The following PRKAR2A variants were observed in gnomAD, a reference collection of about 807,000 sequenced individuals.
The protein encoded by PRKAR2A is protein kinase cAMP-dependent type II regulatory subunit alpha.
A neutral mutation model predicts 51.9 loss-of-function variants in PRKAR2A; 29 were observed. The observed-to-expected ratio is 0.56, with a 90% CI of 0.42 to 0.76. The LOEUF (loss-of-function observed/expected upper bound fraction) is 0.76, where lower values mean the gene tolerates loss of function less well. Ranked by LOEUF, PRKAR2A falls within the 30% of genes least tolerant of loss-of-function variation. PRKAR2A has a pLI of 0.00. For missense variants in PRKAR2A, 445 were observed against 512.1 expected, an observed-to-expected ratio of 0.87 and a Z score of 1.26; for synonymous variants, 178 against 186.2, an observed-to-expected ratio of 0.96 and a Z score of 0.36.
At chr3:48,819,276 A>G (rs1056354356) in intron 1 of PRKAR2A, among the ~76,000 whole-genome samples, 20 of 152,232 alleles carry the variant, frequency 1.3e-4, no homozygotes, top group African/African-American at 4.1e-4. Context: ...TTGACCTCCC[A>G]AAGTGCTGGG....
chr3:48,781,705 G>A (rs2107284735), intron 5 of PRKAR2A, among the ~76,000 whole-genome samples: 1 of 152,232 alleles, frequency 6.6e-6, no homozygotes, highest in South Asian at 2.1e-4. Context: ...TAGAGACGGA[G>A]TTTCACTACG....
Position 48,794,979 on chromosome 3 carries a change from C to CT in PRKAR2A, c.299-931dup, listed in dbSNP as rs761295018. 3.8e-3 allele frequency among the ~76,000 whole-genome samples: 551 copies of CT among 143,812 alleles called. 4 individuals are homozygous for CT. Among genetic ancestry groups the CT allele is most frequent in the Middle Eastern group, 7.1e-3 (2 of 280 alleles). The allele number at this position is 143,812 out of a possible 152,430, so 94.3% of individuals were successfully genotyped here. ...AAGGAATGAAACTTCTCTGAGGAAA[C>CT]TTTTTTTTTTTTTTTGAGACGGAGT... On this transcript the variant is annotated intron_variant, in intron 2 of 10. Transcript: ENST00000265563.
intron 1 of PRKAR2A, 81 bp from the exon 2 acceptor site, chr3:48,807,765 T>C: frequency 8.3e-7 from 1 of 1,201,916 alleles, no homozygotes; most frequent in South Asian, 1.2e-5. Flanking sequence ...AAAAGTCTTT[T>C]ACAATAGACC....
intron 1 of PRKAR2A, among the ~76,000 whole-genome samples, chr3:48,832,316 A>G (rs1038241095): frequency 6.6e-6 from 1 of 151,828 alleles, no homozygotes; most frequent in Non-Finnish European, 1.5e-5. Context: ...AAAAACAAAA[A>G]AAAACAAAAC....
intron 1 of PRKAR2A, among the ~76,000 whole-genome samples, chr3:48,827,628 T>C (rs2083090771): frequency 1.3e-5 from 2 of 152,248 alleles, no homozygotes; most frequent in African/African-American, 4.8e-5. Context: ...AGAAAACGTA[T>C]GGTAAAAATA....
At chr3:48,775,161 G>A (rs116113836) in intron 5 of PRKAR2A, among the ~76,000 whole-genome samples, 3,822 of 152,092 alleles carry the variant, frequency 0.025, 69 homozygotes, top group Non-Finnish European at 0.039. Context: ...AAAGCAGGTC[G>A]GGCACGGTGG....
intron 6 of PRKAR2A, among the ~76,000 whole-genome samples, chr3:48,767,056 G>A (rs562090330): frequency 6.6e-6 from 1 of 152,194 alleles, no homozygotes; most frequent in Non-Finnish European, 1.5e-5. Flanking sequence ...TGTGCAGGGA[G>A]ATACATGTGA....
intron 9 of PRKAR2A, 25 bp from the exon 10 acceptor site, chr3:48,752,342 T>G (rs2081663599): frequency 6.2e-7 from 1 of 1,608,378 alleles, no homozygotes; most frequent in Admixed American, 1.7e-5. Flanking sequence ...GAACATGACC[T>G]AGGCTGACTC....
intron 1 of PRKAR2A, among the ~76,000 whole-genome samples, chr3:48,824,395 C>CA (rs997812088): frequency 3.3e-4 from 46 of 140,530 alleles, no homozygotes; most frequent in African/African-American, 3.1e-4. Flanking sequence ...ACTCTGTCTC[C>CA]AAAAAAAAAA....
At position 48,794,007 on chromosome 3, in the gene PRKAR2A, G is replaced by C. The variant is rs778340299; in HGVS notation, c.341C>G (p.Thr114Arg). 1.0e-5 allele frequency: 16 copies of C among 1,604,004 alleles called. No individual in the cohort carries two copies. Among genetic ancestry groups the C allele is most frequent in the Non-Finnish European group, 1.4e-5 (16 of 1,171,202 alleles). Reference sequence around the variant, plus strand: ...TGCTTTGGGTCTTACCCTTGGATCTGTATCTTCCTCTTCCTCATCAGGGTT... The same window carrying C: ...TGCTTTGGGTCTTACCCTTGGATCTCTATCTTCCTCTTCCTCATCAGGGTT... ...TYNPDEEEED[T>R]DPRVIHPKTD... Residue 114 changes from threonine (T) to arginine (R), a missense_variant, in exon 3 of 11, where the codon ACA becomes AGA. Physicochemically the swap from Thr to Arg is moderately conservative, Grantham distance 71 (BLOSUM62 -1). Transcript: ENST00000265563.
At chr3:48,791,342 A>G (rs2082381862) in intron 3 of PRKAR2A, among the ~76,000 whole-genome samples, 1 of 150,806 alleles carries the variant, frequency 6.6e-6, no homozygotes, top group African/African-American at 2.4e-5. Context: ...CACGCCTGTA[A>G]TCCCAGCACT....
intron 1 of PRKAR2A, among the ~76,000 whole-genome samples, chr3:48,829,871 A>ATATATT (rs1297832658): frequency 5.0e-4 from 44 of 87,720 alleles, no homozygotes; most frequent in African/African-American, 8.6e-4. Context: ...ATATATATAT[A>ATATATT]TTTTTTTTTT....
chr3:48,820,506 G>T (rs1257622802), intron 1 of PRKAR2A, among the ~76,000 whole-genome samples: 1 of 151,320 alleles, frequency 6.6e-6, no homozygotes, highest in African/African-American at 2.4e-5. Flanking sequence ...CGATTCATAT[G>T]ATAAGTACTT....
At chr3:48,767,284 G>A (rs987831346) in intron 6 of PRKAR2A, among the ~76,000 whole-genome samples, 1 of 151,932 alleles carries the variant, frequency 6.6e-6, no homozygotes, top group Non-Finnish European at 1.5e-5. Flanking sequence ...TTCAAGACCA[G>A]CCTGGCCAAT....
intron 2 of PRKAR2A, 100 bp from the exon 3 acceptor site, chr3:48,794,149 C>CTT (rs2082448750): frequency 2.3e-6 from 2 of 877,478 alleles, no homozygotes; most frequent in South Asian, 3.4e-5. Flanking sequence ...TCACTGTTTT[C>CTT]TTTTCTTTTT....
At chr3:48,788,593 C>A (rs1266956376) in intron 4 of PRKAR2A, among the ~76,000 whole-genome samples, 1 of 152,152 alleles carries the variant, frequency 6.6e-6, no homozygotes, top group Non-Finnish European at 1.5e-5. Flanking sequence ...CCCAAAATTT[C>A]ATGTTAAAGC....
At chr3:48,812,059 G>A (rs529844276) in intron 1 of PRKAR2A, among the ~76,000 whole-genome samples, 13 of 151,674 alleles carry the variant, frequency 8.6e-5, no homozygotes, top group African/African-American at 3.1e-4. Context: ...AAGTCTGTAA[G>A]TTTACTAAAA....
chr3:48,751,236 G>C lies in PRKAR2A; in HGVS notation c.*349C>G, dbSNP rs1373691287. 1 of 469,138 alleles carries C rather than the reference G, an allele frequency of 2.1e-6. No individual in the cohort carries two copies. The highest frequency in any genetic ancestry group is 2.4e-5 in the Admixed American group (1 of 42,288). The allele number at this position is 469,138 out of a possible 1,614,324, so 29.1% of individuals were successfully genotyped here. ...CCTGTGGTAACTTCCAAAAGCAAGA[G>C]TAGCAGCAAGAGAGGAAAGGAGCAT... On this transcript the variant is annotated 3_prime_UTR_variant, in exon 11 of 11. Coordinates refer to ENST00000265563, the MANE Select transcript of PRKAR2A (RefSeq NM_004157.4).
chr3:48,754,180 G>A (rs2081715478), intron 9 of PRKAR2A, among the ~76,000 whole-genome samples: 1 of 151,510 alleles, frequency 6.6e-6, no homozygotes, highest in Non-Finnish European at 1.5e-5. Context: ...AATTACAAGC[G>A]TGAGCCACCA....
Sources: gnomAD v4.1 joint callset for allele counts (sites outside exome capture counted in the v4.1 genomes callset) on GRCh38, gnomAD v4.1.1 for gene constraint, MANE v1.5 for transcripts, NCBI Gene and HGNC (gene_info 2026-07-23, HGNC 2026-07-21) for gene names.